ROR1: variants seen among roughly 807,000 people sequenced by gnomAD.
ROR1 encodes inactive tyrosine-protein kinase transmembrane receptor ROR1.
ROR1 carries 19 observed loss-of-function variants against 78.8 expected under a neutral mutation model. The observed-to-expected ratio is 0.24, with a 90% CI of 0.17 to 0.35. ROR1 has a LOEUF of 0.35. ROR1 is among the 10% of genes least tolerant of loss of function. The pLI is 1.00. For missense variants in ROR1, 917 were observed against 1,177.8 expected, an observed-to-expected ratio of 0.78 and a Z score of 3.24; for synonymous variants, 386 against 433.6, an observed-to-expected ratio of 0.89 and a Z score of 1.36.
Position 64,075,994 on chromosome 1 carries a change from T to G in ROR1, c.482+25278T>G, listed in dbSNP as rs926264290. ...GCAGTGGGTTTCCTCCAGTGTGATA[T>G]TCTGTGCCTCACCTATCAAGAGGTG... On this transcript the variant is annotated intron_variant, in intron 4 of 8. Coordinates refer to ENST00000371079, the MANE Select transcript of ROR1 (RefSeq NM_005012.4). Among the ~76,000 whole-genome samples the G allele has an allele frequency of 9.8e-5, 15 of 152,314 alleles. 1 individual carries two copies. The highest frequency in any genetic ancestry group is 1.4e-4 in the African/African-American group (6 of 41,584).
chr1:63,947,867 G>C (rs1475837904), intron 1 of ROR1, among the ~76,000 whole-genome samples: 1 of 152,116 alleles, frequency 6.6e-6, no homozygotes, highest in East Asian at 1.9e-4. Context: ...CACACAATCT[G>C]TCTTCTGAAA....
intron 1 of ROR1, among the ~76,000 whole-genome samples, chr1:63,944,320 C>T (rs1645865594): frequency 6.6e-6 from 1 of 151,624 alleles, no homozygotes; most frequent in Non-Finnish European, 1.5e-5. Context: ...TGACACTTCA[C>T]AAAAAAAGGA....
rs1360554798 is a variant in ROR1 at position 64,179,039 on chromosome 1, A to C, written c.*184A>C. 8 of 552,330 alleles carry C rather than the reference A, an allele frequency of 1.4e-5. 1 individual carries two copies. The highest frequency in any genetic ancestry group is 5.8e-5 in the African/African-American group (3 of 52,122). 34.2% of individuals were successfully genotyped at this position (552,330 alleles called of 1,614,324 possible). On this transcript the variant is annotated 3_prime_UTR_variant, in exon 9 of 9. Coordinates refer to ENST00000371079, the MANE Select transcript of ROR1 (RefSeq NM_005012.4). Reference sequence around the variant, plus strand: ...CACTCGGCCAGAAAAAAAAAAAAAAAAAAAAAACAAGCAAACAAAAACATT... The same window carrying C: ...CACTCGGCCAGAAAAAAAAAAAAAACAAAAAAACAAGCAAACAAAAACATT...
At chr1:63,867,229 T>A (rs997046715) in intron 1 of ROR1, among the ~76,000 whole-genome samples, 2 of 152,208 alleles carry the variant, frequency 1.3e-5, no homozygotes, top group Admixed American at 1.3e-4. Flanking sequence ...TTAATACTTT[T>A]AAAAAATGAA....
chr1:64,026,905 A>G (rs979836538), intron 2 of ROR1, among the ~76,000 whole-genome samples: 2 of 152,322 alleles, frequency 1.3e-5, no homozygotes, highest in South Asian at 2.1e-4. Flanking sequence ...GGGGACCCCA[A>G]CCATATCAAT....
chr1:63,831,490 T>A (rs2100299628), intron 1 of ROR1, among the ~76,000 whole-genome samples: 1 of 152,302 alleles, frequency 6.6e-6, no homozygotes, highest in African/African-American at 2.4e-5. Context: ...TCTGAAGCAA[T>A]GCCTGAGCTG....
At chr1:64,125,037 C>G (rs1313880394) in intron 4 of ROR1, among the ~76,000 whole-genome samples, 2 of 152,110 alleles carry the variant, frequency 1.3e-5, no homozygotes, top group Non-Finnish European at 2.9e-5. Flanking sequence ...TACTAGGAGT[C>G]ATTCTAATGG....
chr1:63,898,468 G>C (rs575554077), intron 1 of ROR1, among the ~76,000 whole-genome samples: 1 of 151,398 alleles, frequency 6.6e-6, no homozygotes, highest in South Asian at 2.1e-4. Context: ...CATGGTACCG[G>C]GTTCCAGGAT....
chr1:64,165,872 T>A (rs1264473078), intron 8 of ROR1, among the ~76,000 whole-genome samples: 1 of 151,992 alleles, frequency 6.6e-6, no homozygotes, highest in Admixed American at 6.6e-5. Flanking sequence ...ACGTGGCTAA[T>A]TTTTGTCTTT....
In ROR1 at chr1:63,824,389, C is replaced by T. The variant is rs569824439; in HGVS notation, c.91+49881C>T. Among the ~76,000 whole-genome samples the T allele has an allele frequency of 3.9e-3, 595 of 152,258 alleles. 5 individuals carry two copies. Among genetic ancestry groups the T allele is most frequent in the African/African-American group, 0.014 (565 of 41,554 alleles). On this transcript the variant is annotated intron_variant, in intron 1 of 8. Coordinates refer to ENST00000371079, the MANE Select transcript of ROR1 (RefSeq NM_005012.4). ...ATAGAAATAAAATTTAAATTTCATA[C>T]AGCTTTCATTTGTCACAAAATATTA...
intron 1 of ROR1, among the ~76,000 whole-genome samples, chr1:63,856,798 T>G (rs928292288): frequency 3.9e-5 from 6 of 152,222 alleles, no homozygotes; most frequent in Admixed American, 2.6e-4. Flanking sequence ...ATGGAAGTGA[T>G]ACATTTTATT....
In ROR1 at chr1:64,179,007, GGACA is replaced by G. The variant is rs144599537; in HGVS notation, c.*157_*160del. ...AAGTTTCACTGTGTCTTACCAAGCA[GGACA>G]GACACTCGGCCAGAAAAAAAAAAAA... On this transcript the variant is annotated 3_prime_UTR_variant, in exon 9 of 9. Coordinates refer to ENST00000371079, the MANE Select transcript of ROR1 (RefSeq NM_005012.4). The G allele has an allele frequency of 3.9e-3, 1,463 of 371,560 alleles. 33 individuals are homozygous for G. The highest frequency in any genetic ancestry group is 0.034 in the African/African-American group (1,368 of 40,582). The allele number at this position is 371,560 out of a possible 1,614,324, so 23.0% of individuals were successfully genotyped here.
At chr1:64,100,060 G>A (rs1647462750) in intron 4 of ROR1, among the ~76,000 whole-genome samples, 1 of 151,926 alleles carries the variant, frequency 6.6e-6, no homozygotes, top group African/African-American at 2.4e-5. Context: ...GTCTCAAAAA[G>A]TTGAGTTTAT....
intron 4 of ROR1, among the ~76,000 whole-genome samples, chr1:64,116,400 C>T (rs972943117): frequency 6.6e-6 from 1 of 152,296 alleles, no homozygotes; most frequent in South Asian, 2.1e-4. Context: ...AGCTTTACTA[C>T]TTGGACTTTT....
chr1:63,958,610 T>G (rs895005253), intron 1 of ROR1, among the ~76,000 whole-genome samples: 1 of 152,214 alleles, frequency 6.6e-6, no homozygotes, highest in Non-Finnish European at 1.5e-5. Context: ...CAATTTAAAG[T>G]TTTATCCTCT....
At chr1:63,960,935 A>G (rs956761862) in intron 1 of ROR1, among the ~76,000 whole-genome samples, 1 of 152,208 alleles carries the variant, frequency 6.6e-6, no homozygotes, top group Non-Finnish European at 1.5e-5. Flanking sequence ...AAATTAGGAA[A>G]CAGGAGAATT....
chr1:63,988,695 A>T (rs1646270537), intron 1 of ROR1, among the ~76,000 whole-genome samples: 1 of 152,052 alleles, frequency 6.6e-6, no homozygotes, highest in African/African-American at 2.4e-5. Context: ...TGTCCCTATG[A>T]TTTTGACTAG....
intron 2 of ROR1, among the ~76,000 whole-genome samples, chr1:64,029,486 A>G (rs1046862331): frequency 1.3e-5 from 2 of 152,160 alleles, no homozygotes; most frequent in African/African-American, 4.8e-5. Context: ...ACAAAGTACC[A>G]CATGCTGTGT....
intron 1 of ROR1, among the ~76,000 whole-genome samples, chr1:63,826,265 G>A (rs963355773): frequency 5.3e-5 from 8 of 151,860 alleles, no homozygotes; most frequent in Non-Finnish European, 1.2e-4. Flanking sequence ...CTTCCTATAT[G>A]CCCTAGTGTG....
Sources: allele counts gnomAD v4.1 joint callset (sites outside exome capture counted in the v4.1 genomes callset), GRCh38; gene constraint gnomAD v4.1.1; transcripts MANE v1.5; gene names NCBI Gene and HGNC (gene_info 2026-07-23, HGNC 2026-07-21).